Variants in SLAMF9 observed in about 807,000 individuals in gnomAD.
SLAMF9 encodes SLAM family member 9, also known as CD2 family member 10.
SLAMF9 carries 25 observed loss-of-function variants against 30.4 expected under a neutral mutation model. The ratio of observed to expected loss-of-function variants is 0.82; its 90% CI spans 0.60 to 1.15. The LOEUF (loss-of-function observed/expected upper bound fraction) is 1.15. Among genes scored for constraint, SLAMF9 ranks in the 50% most tolerant of loss-of-function variants. The pLI, the probability that SLAMF9 is intolerant of heterozygous loss-of-function variation, is 0.00. For missense variants in SLAMF9, 344 were observed against 346.1 expected (o/e 0.99, Z 0.05); for synonymous variants, 129 against 127.2 (o/e 1.01, Z -0.09).
chr1:159,973,251 G>T, the SLAMF9 span: 1 of 882,424 alleles, frequency 1.1e-6, no homozygotes, highest in East Asian at 2.5e-5. Flanking sequence ...AGGAGTGGGG[G>T]CGACACTCAG....
chr1:159,953,390 C>T lies in SLAMF9; in HGVS notation c.310G>A (p.Asp104Asn), dbSNP rs1557943061. The T allele has an allele frequency of 1.2e-6, 2 of 1,614,190 alleles. No individual in the cohort carries two copies. The highest frequency in any genetic ancestry group is 1.7e-6 in the Non-Finnish European group (2 of 1,180,010). Residue 104 changes from aspartate (D) to asparagine (N), a missense_variant, in exon 2 of 4, where the codon GAT (aspartate) becomes AAT (asparagine). Coordinates refer to ENST00000368093, the MANE Select transcript of SLAMF9 (RefSeq NM_033438.4). ...SLHISNLSWE[D>N]SGLYQAQVNL... Reference sequence around the variant, plus strand: ...ACTTGAGCTTGGTAAAGCCCTGAATCCTCCCAGCTCAGATTGCTGATATGC... The same window carrying T: ...ACTTGAGCTTGGTAAAGCCCTGAATTCTCCCAGCTCAGATTGCTGATATGC...
At chr1:159,957,408 G>A (rs1571231744), upstream of SLAMF9, among the ~76,000 whole-genome samples, 1 of 152,104 alleles carries the variant, frequency 6.6e-6, no homozygotes, top group African/African-American at 2.4e-5. Context: ...GGTGGATCAC[G>A]AGGTCAAGAG....
chr1:159,973,635 G>A, the SLAMF9 span, among the ~76,000 whole-genome samples: 1 of 152,138 alleles, frequency 6.6e-6, no homozygotes, highest in Non-Finnish European at 1.5e-5. Flanking sequence ...TGGGGAGATG[G>A]GGGTATTGAG....
At chr1:159,967,301 T>A in the SLAMF9 span, among the ~76,000 whole-genome samples, 1 of 152,350 alleles carries the variant, frequency 6.6e-6, no homozygotes, top group Non-Finnish European at 1.5e-5. Flanking sequence ...TTGATTTTTA[T>A]GCATGGTGTA....
In SLAMF9 at chr1:159,954,154, C is replaced by T. The variant is rs1236603442; in HGVS notation, c.-17G>A. 1 of 1,614,010 alleles carries T rather than the reference C, an allele frequency of 6.2e-7. No homozygotes were observed. Among genetic ancestry groups the T allele is most frequent in the Non-Finnish European group, 8.5e-7 (1 of 1,179,982 alleles). On this transcript the variant is annotated 5_prime_UTR_variant, in exon 1 of 4. Transcript: ENST00000368093. ...GGCACACATGTCAGCAGCCCCCAGC[C>T]CCAGAGGTGTGATTCAGTCAGTCAG...
the SLAMF9 span, among the ~76,000 whole-genome samples, chr1:159,962,105 C>T: frequency 2.4e-4 from 36 of 151,972 alleles, no homozygotes; most frequent in African/African-American, 7.2e-4. Flanking sequence ...TTTCAGTCAG[C>T]CAAGATAGCG....
chr1:159,983,956 G>T, the SLAMF9 span: 1 of 152,378 alleles, frequency 6.6e-6, no homozygotes, highest in Non-Finnish European at 1.5e-5. Flanking sequence ...GAAAGGCAGT[G>T]CCTTTCCCTG....
At chr1:159,967,841 CTA>C in the SLAMF9 span, among the ~76,000 whole-genome samples, 1 of 152,050 alleles carries the variant, frequency 6.6e-6, no homozygotes. Context: ...TTACATCTAA[CTA>C]TTTTATTTTA....
the SLAMF9 span, among the ~76,000 whole-genome samples, chr1:159,970,699 T>C: frequency 6.6e-6 from 1 of 152,194 alleles, no homozygotes; most frequent in African/African-American, 2.4e-5. Flanking sequence ...TTCTAAGACG[T>C]GTGTGAGAGT....
chr1:159,964,504 A>G, the SLAMF9 span, among the ~76,000 whole-genome samples: 1 of 152,190 alleles, frequency 6.6e-6, no homozygotes, highest in Non-Finnish European at 1.5e-5. Flanking sequence ...GGGAGTTCTG[A>G]TGCAGAACTT....
At chr1:159,972,284 C>T in the SLAMF9 span, among the ~76,000 whole-genome samples, 9 of 152,246 alleles carry the variant, frequency 5.9e-5, no homozygotes, top group African/African-American at 2.2e-4. Flanking sequence ...GGCCAAGAGC[C>T]AGAAGGCAGC....
chr1:159,952,190 C>A (rs1651768758), intron 3 of SLAMF9, 72 bp downstream of exon 3: 6 of 1,553,612 alleles, frequency 3.9e-6, no homozygotes, highest in Non-Finnish European at 5.3e-6. Context: ...TTGGGAAGAG[C>A]TGGGGGAGGG....
chr1:159,952,571 T>A, intron 2 of SLAMF9, 37 bp from the exon 3 acceptor site: 1 of 1,603,780 alleles, frequency 6.2e-7, no homozygotes, highest in East Asian at 2.2e-5. Context: ...CTCTAAACAA[T>A]CAGGGATCGG....
chr1:159,961,857 C>G, the SLAMF9 span, among the ~76,000 whole-genome samples: 700 of 152,122 alleles, frequency 4.6e-3, 38 homozygotes, highest in East Asian at 0.12. Flanking sequence ...ATAAGTTATG[C>G]ACTCAAGAAG....
At chr1:159,975,162 ATTATTCATTCATTGAC>A in the SLAMF9 span, among the ~76,000 whole-genome samples, 1 of 152,350 alleles carries the variant, frequency 6.6e-6, no homozygotes, top group African/African-American at 2.4e-5. Context: ...GGATTTATTC[ATTATTCATTCATTGAC>A]TTATTCATTC....
upstream of SLAMF9, among the ~76,000 whole-genome samples, chr1:159,958,618 G>A (rs578141948): frequency 6.6e-6 from 1 of 152,082 alleles, no homozygotes; most frequent in Admixed American, 6.6e-5. Context: ...GCACCACCAT[G>A]CCCAGCTAAG....
the SLAMF9 span, chr1:159,980,481 G>A: frequency 4.6e-5 from 7 of 152,124 alleles, no homozygotes; most frequent in African/African-American, 1.4e-4. Flanking sequence ...AGGAGCAAGG[G>A]CTAAAGTGGG....
the SLAMF9 span, chr1:159,978,858 A>T: frequency 6.6e-6 from 1 of 152,224 alleles, no homozygotes; most frequent in Admixed American, 6.5e-5. Flanking sequence ...ATATAGACAG[A>T]GTAGTCCCTG....
rs1008145341 is a variant in SLAMF9, at chr1:159,952,504, T to G, written c.422A>C (p.Asn141Thr). The G allele has an allele frequency of 1.2e-6, 2 of 1,613,980 alleles. No homozygotes were observed. ...RWLSEPQITVNFESSGEGACS... is the reference protein window; with the variant it reads ...RWLSEPQITVTFESSGEGACS... ...GGCACCTTCCCCAGAACTCTCAAAGTTCACAGTGATCTGGGGCTCTGACAG... is the reference window on the plus strand; with the variant it reads ...GGCACCTTCCCCAGAACTCTCAAAGGTCACAGTGATCTGGGGCTCTGACAG... Residue 141 changes from asparagine (N) to threonine (T), a missense_variant, in exon 3 of 4, where the codon AAC becomes ACC. By Grantham distance (65) the Asn-to-Thr change is moderately conservative. Transcript: ENST00000368093.
Sources: allele counts gnomAD v4.1 joint callset (sites outside exome capture counted in the v4.1 genomes callset), GRCh38; gene constraint gnomAD v4.1.1; transcripts MANE v1.5; gene names NCBI Gene and HGNC (gene_info 2026-07-23, HGNC 2026-07-21).